KIAA1217: variants seen among roughly 807,000 people sequenced by gnomAD.
The protein encoded by KIAA1217 is KIAA1217.
In KIAA1217, 88 loss-of-function variants were observed where a neutral mutation model predicts 163.9. The observed-to-expected ratio is 0.54, with a 90% CI of 0.45 to 0.64. The LOEUF (loss-of-function observed/expected upper bound fraction) is 0.64. Among genes scored for constraint, KIAA1217 ranks in the 30% least tolerant of loss-of-function variants. KIAA1217 has a pLI of 0.00. For synonymous variants in KIAA1217, 903 were observed against 923.1 expected (o/e 0.98, Z 0.39); for missense variants, 2,372 against 2,475.0 (o/e 0.96, Z 0.88).
chr10:24,026,742 A>ATTTTTTTTTTTTT, intron 2 of KIAA1217, among the ~76,000 whole-genome samples: 7 of 70,092 alleles, frequency 1.0e-4, no homozygotes, highest in East Asian at 4.5e-4. Flanking sequence ...TATTTCATTG[A>ATTTTTTTTTTTTT]TTTTTTTTTT....
chr10:24,140,993 A>C (rs2064042144), intron 2 of KIAA1217, among the ~76,000 whole-genome samples: 1 of 152,190 alleles, frequency 6.6e-6, no homozygotes, highest in East Asian at 1.9e-4. Context: ...GCAACTGAAA[A>C]GCCTGGATAG....
chr10:24,036,230 G>A (rs879667260), intron 2 of KIAA1217, among the ~76,000 whole-genome samples: 1 of 152,200 alleles, frequency 6.6e-6, no homozygotes, highest in Non-Finnish European at 1.5e-5. Context: ...TCATGGGAAG[G>A]GCTAGCCCCA....
At chr10:24,103,582 C>T (rs747065458) in intron 2 of KIAA1217, among the ~76,000 whole-genome samples, 1 of 151,930 alleles carries the variant, frequency 6.6e-6, no homozygotes, top group Non-Finnish European at 1.5e-5. Flanking sequence ...AAAAGTGGGC[C>T]AAAGGACTTA....
chr10:23,763,727 C>T (rs1315470739), intron 1 of KIAA1217, among the ~76,000 whole-genome samples: 1 of 152,074 alleles, frequency 6.6e-6, no homozygotes, highest in Non-Finnish European at 1.5e-5. Context: ...TCATAACAAA[C>T]CTGCACAGTC....
At chr10:24,025,040 C>T (rs1847882191) in intron 2 of KIAA1217, among the ~76,000 whole-genome samples, 1 of 151,634 alleles carries the variant, frequency 6.6e-6, no homozygotes, top group African/African-American at 2.4e-5. Context: ...TGTAACAATA[C>T]TTTCTTATTT....
chr10:24,485,828 G>A (rs971362615), intron 6 of KIAA1217, among the ~76,000 whole-genome samples: 2 of 152,154 alleles, frequency 1.3e-5, no homozygotes, highest in Admixed American at 1.3e-4. Context: ...GTTAAGGAGC[G>A]GAGACCCAGA....
chr10:24,491,286 CTTTT>C (rs1169407580), intron 6 of KIAA1217, among the ~76,000 whole-genome samples: 4,810 of 114,306 alleles, frequency 0.042, 81 homozygotes, highest in East Asian at 0.12. Context: ...TTTTTTTTTC[CTTTT>C]TTTTTTTTTT....
At chr10:24,391,333 C>CTT (rs768727392) in intron 3 of KIAA1217, among the ~76,000 whole-genome samples, 657 of 29,812 alleles carry the variant, frequency 0.022, 13 homozygotes, top group African/African-American at 0.16. Context: ...TTCTTTCTTT[C>CTT]TTTTTTTTTT....
intron 14 of KIAA1217, among the ~76,000 whole-genome samples, chr10:24,530,075 G>A (rs2072893743): frequency 6.6e-6 from 1 of 151,888 alleles, no homozygotes. Context: ...GGGATTTCAG[G>A]CCTGAGTCAC....
chr10:24,350,841 A>AC (rs397690653), intron 2 of KIAA1217, among the ~76,000 whole-genome samples: 13 of 151,608 alleles, frequency 8.6e-5, no homozygotes, highest in Admixed American at 7.9e-4. Context: ...AAAAAAAAAA[A>AC]CAGCTAACTG....
At chr10:24,216,133 A>G (rs778388530) in intron 1 of KIAA1217, among the ~76,000 whole-genome samples, 20 of 152,186 alleles carry the variant, frequency 1.3e-4, no homozygotes, top group Non-Finnish European at 2.9e-4. Flanking sequence ...CTAGTCCAGT[A>G]AGTCAGGGCT....
chr10:24,211,973 G>T (rs2068188311), intron 1 of KIAA1217, among the ~76,000 whole-genome samples: 1 of 151,976 alleles, frequency 6.6e-6, no homozygotes, highest in South Asian at 2.1e-4. Flanking sequence ...CAGCCAGGAG[G>T]TTGAGACTGC....
intron 1 of KIAA1217, among the ~76,000 whole-genome samples, chr10:23,777,190 G>T (rs1276999851): frequency 3.3e-5 from 5 of 152,196 alleles, no homozygotes; most frequent in Non-Finnish European, 7.3e-5. Flanking sequence ...TGAAGTTAAA[G>T]TTAAAATCTT....
Position 24,209,146 on chromosome 10 carries a change from G to A in KIAA1217, c.-48G>A, listed in dbSNP as rs1459546473. The A allele has an allele frequency of 6.3e-7, 1 of 1,576,782 alleles. No homozygotes were observed. The highest frequency in any genetic ancestry group is 8.7e-7 in the Non-Finnish European group (1 of 1,146,912). ...GCTTTCTGGGAGCTTTTAGAACTGCGCTCTGAAGTTTCCAGAGAGCGAGGA... is the reference window on the plus strand; with the variant it reads ...GCTTTCTGGGAGCTTTTAGAACTGCACTCTGAAGTTTCCAGAGAGCGAGGA... On this transcript the variant is annotated 5_prime_UTR_variant, in exon 1 of 21. Transcript: ENST00000376454.
chr10:24,533,332 A>C, intron 16 of KIAA1217, 95 bp downstream of exon 16: 1 of 1,258,090 alleles, frequency 7.9e-7, no homozygotes, highest in Non-Finnish European at 1.1e-6. Flanking sequence ...AAGGCCAGGG[A>C]AGCGCATGGA....
intron 2 of KIAA1217, among the ~76,000 whole-genome samples, chr10:24,330,970 G>T (rs1198041267): frequency 2.0e-5 from 3 of 151,784 alleles, no homozygotes; most frequent in African/African-American, 2.4e-5. Flanking sequence ...TTGAGACAGG[G>T]TCTCACTGTG....
chr10:23,910,738 C>T (rs762582149), intron 1 of KIAA1217, among the ~76,000 whole-genome samples: 2 of 152,130 alleles, frequency 1.3e-5, no homozygotes, highest in Admixed American at 6.6e-5. Context: ...TATGAACAGC[C>T]GCAGACCTGA....
chr10:24,228,144 T>G (rs531860997), intron 2 of KIAA1217, among the ~76,000 whole-genome samples: 1 of 151,958 alleles, frequency 6.6e-6, no homozygotes, highest in East Asian at 2.0e-4. Context: ...GCATGATGAC[T>G]CGTGCCAGTT....
intron 1 of KIAA1217, among the ~76,000 whole-genome samples, chr10:23,995,481 T>A (rs974649242): frequency 1.7e-4 from 25 of 144,530 alleles, no homozygotes; most frequent in Middle Eastern, 3.6e-3. Flanking sequence ...TGTGTGTGTG[T>A]GAGTGTGTGT....
Sources: allele counts gnomAD v4.1 joint callset (sites outside exome capture counted in the v4.1 genomes callset), GRCh38; gene constraint gnomAD v4.1.1; transcripts MANE v1.5; gene names NCBI Gene and HGNC (gene_info 2026-07-23, HGNC 2026-07-21).